The following FIP1L1 variants were observed in gnomAD, a reference collection of about 807,000 sequenced individuals.
FIP1L1 encodes the protein pre-mRNA 3'-end-processing factor FIP1.
FIP1L1 carries 21 observed loss-of-function variants against 84.6 expected under a neutral mutation model. The observed-to-expected ratio is 0.25, with a 90% CI of 0.18 to 0.36. The LOEUF (loss-of-function observed/expected upper bound fraction) is 0.36. Ranked by LOEUF, FIP1L1 falls within the 10% of genes least tolerant of loss-of-function variation. FIP1L1 has a pLI of 1.00. For synonymous variants in FIP1L1, 263 were observed against 242.3 expected (o/e 1.09, Z -0.80); for missense variants, 526 against 751.1 (o/e 0.70, Z 3.50).
In FIP1L1 at chr4:53,446,585, A is replaced by G. The variant is rs80073934; in HGVS notation, c.1285+2482A>G. On this transcript the variant is annotated intron_variant, in intron 15 of 17. Transcript: ENST00000337488. ...ACATCGTTTTTTTCATCTGTAAAAT[A>G]AATTTTGACTATTAAGTACTTGGTA... Among the ~76,000 whole-genome samples, 1,342 of 152,212 alleles carry G rather than the reference A, an allele frequency of 8.8e-3. 22 individuals carry two copies. Among genetic ancestry groups the G allele is most frequent in the African/African-American group, 0.03 (1,265 of 41,548 alleles).
chr4:53,442,328 T>A lies in FIP1L1; in HGVS notation c.1175-325T>A, dbSNP rs374469988. ...AAATATTTCAAATATATCTGGTGGCTACTGTTTTATGTATGGAGAAGGTAA... is the reference window on the plus strand; with the variant it reads ...AAATATTTCAAATATATCTGGTGGCAACTGTTTTATGTATGGAGAAGGTAA... On this transcript the variant is annotated intron_variant, in intron 13 of 17. Coordinates refer to ENST00000337488, the MANE Select transcript of FIP1L1 (RefSeq NM_030917.4). 3.4e-5 allele frequency: 7 copies of A among 205,788 alleles called. No individual in the cohort carries two copies. In the East Asian group the frequency reaches 4.4e-4, roughly 13 times the overall value. 12.7% of individuals were successfully genotyped at this position (205,788 alleles called of 1,614,324 possible). A position where few individuals can be genotyped will look rare whatever the true frequency, so the allele number is the denominator to read the frequency against.
chr4:53,451,076 T>A lies in FIP1L1; in HGVS notation c.1286-1844T>A, dbSNP rs549848894. Among the ~76,000 whole-genome samples the A allele has an allele frequency of 2.7e-4, 41 of 151,964 alleles. 1 individual carries two copies. The South Asian group carries it at 8.4e-3, about 31-fold the overall frequency. On this transcript the variant is annotated intron_variant, in intron 15 of 17. Coordinates refer to ENST00000337488, the MANE Select transcript of FIP1L1 (RefSeq NM_030917.4). ...TCCTGGTTCAGGCAATTCCTCTGCC[T>A]GCCTCAGCCTTCCAAATAGCTGGGA...
chr4:53,418,652 G>T (rs1426664680), intron 11 of FIP1L1, among the ~76,000 whole-genome samples: 1 of 152,038 alleles, frequency 6.6e-6, no homozygotes, highest in African/African-American at 2.4e-5. Flanking sequence ...ATGTTACCAA[G>T]TTCTGTTCCT....
intron 3 of FIP1L1, 128 bp downstream of exon 3, chr4:53,379,392 C>A: frequency 1.2e-6 from 1 of 804,762 alleles, no homozygotes; most frequent in Non-Finnish European, 2.0e-6. Flanking sequence ...TTTTGGAGGA[C>A]ATTGAATCCT....
intron 10 of FIP1L1, 26 bp downstream of exon 10, chr4:53,399,865 T>C (rs185025021): frequency 2.5e-4 from 353 of 1,399,544 alleles, no homozygotes; most frequent in Non-Finnish European, 3.4e-4. Flanking sequence ...ATAACTCAAT[T>C]ACTGTACGAC....
rs867398843 is a variant in FIP1L1 at position 53,432,265 on chromosome 4, G to A, written c.1174+4082G>A. Among the ~76,000 whole-genome samples the A allele has an allele frequency of 2.5e-4, 38 of 151,824 alleles. 1 individual carries two copies. Among genetic ancestry groups the A allele is most frequent in the African/African-American group, 8.7e-4 (36 of 41,432 alleles). ...ATGAAAAAATTAGCTGGGTGTGGTG[G>A]CATACACCTGTAGTCCTGGCTACTT... On this transcript the variant is annotated intron_variant, in intron 13 of 17. Coordinates refer to ENST00000337488, the MANE Select transcript of FIP1L1 (RefSeq NM_030917.4).
chr4:53,381,657 TAA>T (rs1229976863), intron 3 of FIP1L1, among the ~76,000 whole-genome samples: 4 of 152,110 alleles, frequency 2.6e-5, no homozygotes, highest in Non-Finnish European at 2.9e-5. Context: ...TAAAATTGAT[TAA>T]GTTTGTCATA....
At chr4:53,404,950 T>C (rs1428019489) in intron 10 of FIP1L1, among the ~76,000 whole-genome samples, 18 of 151,552 alleles carry the variant, frequency 1.2e-4, no homozygotes, top group African/African-American at 2.9e-4. Flanking sequence ...TTCTCCCATT[T>C]TGTAGGTTGC....
At chr4:53,456,753 G>C (rs1719260189) in intron 16 of FIP1L1, among the ~76,000 whole-genome samples, 1 of 152,040 alleles carries the variant, frequency 6.6e-6, no homozygotes, top group African/African-American at 2.4e-5. Context: ...TCAGAAAAGG[G>C]GATGGAAGGA....
At chr4:53,404,729 T>C (rs1022275374) in intron 10 of FIP1L1, among the ~76,000 whole-genome samples, 1 of 152,222 alleles carries the variant, frequency 6.6e-6, no homozygotes, top group Admixed American at 6.5e-5. Flanking sequence ...TGCTATCTCA[T>C]TGTGGTTTTG....
At chr4:53,411,880 C>T (rs1375411281) in intron 10 of FIP1L1, among the ~76,000 whole-genome samples, 2 of 151,914 alleles carry the variant, frequency 1.3e-5, no homozygotes, top group Non-Finnish European at 2.9e-5. Flanking sequence ...TTGTGAAATA[C>T]ATACATACAG....
chr4:53,433,227 T>C (rs1241520040), intron 13 of FIP1L1, among the ~76,000 whole-genome samples: 2 of 152,200 alleles, frequency 1.3e-5, no homozygotes, highest in Non-Finnish European at 2.9e-5. Context: ...ACCATCACCA[T>C]GAGCTGTACC....
intron 16 of FIP1L1, among the ~76,000 whole-genome samples, chr4:53,453,701 G>A (rs1209074649): frequency 2.0e-5 from 3 of 152,194 alleles, no homozygotes; most frequent in Non-Finnish European, 4.4e-5. Flanking sequence ...CTGGGCTCAA[G>A]TGATCCTCCT....
At chr4:53,408,271 C>T (rs1754935792) in intron 10 of FIP1L1, among the ~76,000 whole-genome samples, 1 of 152,102 alleles carries the variant, frequency 6.6e-6, no homozygotes. Context: ...TTTGGCTGGA[C>T]ATGAAATTCT....
chr4:53,435,763 T>G (rs1768864778), intron 13 of FIP1L1, among the ~76,000 whole-genome samples: 1 of 152,202 alleles, frequency 6.6e-6, no homozygotes, highest in African/African-American at 2.4e-5. Flanking sequence ...AAATAATGGT[T>G]TTGCCATATT....
intron 1 of FIP1L1, chr4:53,378,365 T>C (rs1015989763): frequency 1.9e-5 from 3 of 156,186 alleles, no homozygotes; most frequent in Non-Finnish European, 2.8e-5. Flanking sequence ...TAAATAAAGT[T>C]AATGCTGTAC....
chr4:53,388,205 AATT>A (rs1742154834), intron 5 of FIP1L1, among the ~76,000 whole-genome samples: 1 of 152,178 alleles, frequency 6.6e-6, no homozygotes, highest in African/African-American at 2.4e-5. Context: ...AGATGGAAGT[AATT>A]ATTATTAGAC....
chr4:53,451,304 T>A (rs1715784104), intron 15 of FIP1L1, among the ~76,000 whole-genome samples: 1 of 151,674 alleles, frequency 6.6e-6, no homozygotes, highest in Non-Finnish European at 1.5e-5. Context: ...GGGGTTGTTT[T>A]TTTTTTTTCC....
At chr4:53,393,745 T>C (rs1745578473) in intron 9 of FIP1L1, among the ~76,000 whole-genome samples, 1 of 141,616 alleles carries the variant, frequency 7.1e-6, no homozygotes, top group South Asian at 2.3e-4. Context: ...TGTGCACATA[T>C]GCATAGATTT....
Sources: allele counts gnomAD v4.1 joint callset (sites outside exome capture counted in the v4.1 genomes callset), GRCh38; gene constraint gnomAD v4.1.1; transcripts MANE v1.5; gene names NCBI Gene and HGNC (gene_info 2026-07-23, HGNC 2026-07-21).